The following APOB variants were observed in gnomAD, a reference collection of about 807,000 sequenced individuals.
APOB encodes apolipoprotein B, also known as apolipoprotein B-100.
In APOB, 153 loss-of-function variants were observed where a neutral mutation model predicts 314.1. That is an observed-to-expected ratio of 0.49 (90% CI 0.43 to 0.56). APOB has a LOEUF of 0.56. Ranked by LOEUF, APOB falls within the 20% of genes least tolerant of loss-of-function variation. APOB has a pLI of 0.00. For synonymous variants in APOB, 2,087 were observed against 2,036.4 expected (o/e 1.02, Z -0.67); for missense variants, 5,430 against 5,350.7 (o/e 1.01, Z -0.46).
chr2:21,010,609 T>G lies in APOB; in HGVS notation c.6259A>C (p.Thr2087Pro), dbSNP rs1441625656. 6.2e-7 allele frequency: 1 copy of G among 1,614,080 alleles called. No individual in the cohort carries two copies. ...ACGTTTTCCAGTACAACTATAATGG[T>G]TTGTCGATTCCTCTCAAAATATTCT... ...LQEYFERNRQ[T>P]IIVVLENVQR... Residue 2087 changes from threonine to proline, a missense_variant, in exon 26 of 29, where the codon ACC (threonine) becomes CCC (proline). Physicochemically the swap from Thr to Pro is conservative, Grantham distance 38. Around this residue, in one of 3 missense-constraint regions of APOB, gnomAD observed 3,281 missense variants for 3,171.0 expected, o/e 1.03. Transcript: ENST00000233242.
At chr2:21,032,788 G>C (rs916055896) in intron 9 of APOB, among the ~76,000 whole-genome samples, 1 of 152,128 alleles carries the variant, frequency 6.6e-6, no homozygotes, top group African/African-American at 2.4e-5. Context: ...AAAGTTCCAA[G>C]AGGGGACTGT....
In APOB at chr2:21,007,565, A is replaced by C; in HGVS notation, c.9303T>G (p.Asn3101Lys). 1 of 1,614,056 alleles carries C rather than the reference A, an allele frequency of 6.2e-7. No homozygotes were observed. Among genetic ancestry groups the C allele is most frequent in the Non-Finnish European group, 8.5e-7 (1 of 1,179,964 alleles). The change falls in exon 26 of 29, where the codon AAT (asparagine) becomes AAG (lysine). Residue 3101 changes from asparagine to lysine, a missense_variant. Physicochemically the swap from Asn to Lys is moderately conservative, Grantham distance 94. Transcript: ENST00000233242. The part of the protein sequence containing the change: ...ARFNQYKYNQ[N>K]FSAGNNENIM... ...TGTTCTCGTTGTTTCCAGCAGAGAA[A>C]TTTTGGTTGTACTTATACTGATTGA...
In APOB at chr2:21,013,221, A is replaced by T; in HGVS notation, c.4155T>A (p.Leu1385=). The change falls in exon 25 of 29, where the codon CTT becomes CTA. Residue 1385 remains leucine (L), a synonymous_variant. Transcript: ENST00000233242. ...CAGCCTTCATGTGGTAACGAGCCCG[A>T]AGGCTGAAATGGTCTGTGCTGGTGT... is the stretch of plus-strand genomic sequence containing the variant. ...GGNTSTDHFS[L]RARYHMKADS... is the part of the protein sequence containing the mutation. The T allele has an allele frequency of 6.2e-7, 1 of 1,614,168 alleles. No individual in the cohort carries two copies. The highest frequency in any genetic ancestry group is 1.3e-5 in the African/African-American group (1 of 75,050).
chr2:21,028,198 A>G, intron 13 of APOB, 129 bp downstream of exon 13: 1 of 1,131,182 alleles, frequency 8.8e-7, no homozygotes, highest in Non-Finnish European at 1.3e-6. Context: ...CTTTGGGTCT[A>G]GATCTGCTAC....
chr2:21,041,285 C>T (rs950864377), intron 3 of APOB, among the ~76,000 whole-genome samples: 7 of 152,220 alleles, frequency 4.6e-5, no homozygotes, highest in East Asian at 1.9e-4. Context: ...CTATTGCTGA[C>T]GTTTTCCCCC....
Position 21,006,670 on chromosome 2 carries a change from A to G in APOB, c.10198T>C (p.Ser3400Pro). 6.2e-7 allele frequency: 1 copy of G among 1,614,112 alleles called. No individual in the cohort carries two copies. The highest frequency in any genetic ancestry group is 8.5e-7 in the Non-Finnish European group (1 of 1,179,982). ...KRGLKLATAL[S>P]LSNKFVEGSH... is the part of the protein sequence containing the mutation. The stretch of plus-strand genomic sequence containing the variant: ...CCCTCCACAAATTTGTTGCTCAGAG[A>G]CAGAGCTGTGGCTAACTTCAATCCC... The change falls in exon 26 of 29, where the codon TCT becomes CCT. Residue 3400 changes from serine (S) to proline (P), a missense_variant. Physicochemically the swap from Ser to Pro is moderately conservative, Grantham distance 74 (BLOSUM62 -1). Transcript: ENST00000233242.
At chr2:21,028,951 A>T (rs1056694456) in intron 12 of APOB, among the ~76,000 whole-genome samples, 1 of 152,228 alleles carries the variant, frequency 6.6e-6, no homozygotes, top group African/African-American at 2.4e-5. Flanking sequence ...GAGGGGGCCA[A>T]GTTGGCTATC....
intron 9 of APOB, among the ~76,000 whole-genome samples, chr2:21,032,979 T>C (rs1572798919): frequency 6.6e-6 from 1 of 152,196 alleles, no homozygotes; most frequent in Admixed American, 6.5e-5. Context: ...GAGTTCTCTC[T>C]CCACCAGCCT....
intron 6 of APOB, 73 bp downstream of exon 6, chr2:21,037,027 C>T (rs113853560): frequency 3.3e-5 from 52 of 1,596,732 alleles, no homozygotes; most frequent in African/African-American, 3.2e-4. Flanking sequence ...TGCCCACTAG[C>T]TCAAAAGTTC....
chr2:21,035,573 A>G lies in APOB; in HGVS notation c.818+11T>C, dbSNP rs1346829799. On this transcript the variant is annotated intron_variant, in intron 7 of 28. Transcript: ENST00000233242. ...TTAAATGACAAATCAGGGGTGCATC[A>G]CATGACCTACTTGTAGGAGAAAGGC... 6.2e-7 allele frequency: 1 copy of G among 1,613,858 alleles called. No homozygotes were observed. Among genetic ancestry groups the G allele is most frequent in the Non-Finnish European group, 8.5e-7 (1 of 1,180,022 alleles).
intron 4 of APOB, among the ~76,000 whole-genome samples, chr2:21,039,969 C>T (rs1664091860): frequency 1.3e-5 from 2 of 152,188 alleles, no homozygotes; most frequent in Admixed American, 1.3e-4. Context: ...CTCTGCGTCC[C>T]CACCCAAATT....
rs746742904 is a variant in APOB, at chr2:21,023,640, A to T, written c.2489T>A (p.Ile830Asn). ...GAGTTCAAAGGCATTCTCCATGAAG[A>T]TGTAGTGAAGAAAAAAGTCATTCTT... is the stretch of plus-strand genomic sequence containing the variant. ...GSKNDFFLHY[I>N]FMENAFELPT... Residue 830 changes from isoleucine to asparagine, a missense_variant, in exon 17 of 29, where the codon ATC (isoleucine) becomes AAC (asparagine). Ile to Asn is a moderately radical substitution (Grantham distance 149). Around this residue, in one of 3 missense-constraint regions of APOB, gnomAD observed 2,085 missense variants for 2,079.7 expected, o/e 1.00. Transcript: ENST00000233242. The T allele has an allele frequency of 1.2e-6, 2 of 1,613,786 alleles. No homozygotes were observed. Among genetic ancestry groups the T allele is most frequent in the South Asian group, 1.1e-5 (1 of 91,066 alleles).
Position 21,012,086 on chromosome 2 carries a change from T to C in APOB, c.4782A>G (p.Gln1594=), listed in dbSNP as rs1663340463. The part of the protein sequence containing the change: ...SNKMDMTFSK[Q]NALLRSEYQA... ...GATATTCAGAACGCAGCAGTGCATT[T>C]TGCTTAGAGAAGGTCATATCCATCT... The change falls in exon 26 of 29, where the codon CAA becomes CAG. Residue 1594 remains glutamine, a synonymous_variant. Transcript: ENST00000233242. The C allele has an allele frequency of 6.2e-7, 1 of 1,613,928 alleles. No individual in the cohort carries two copies. The highest frequency in any genetic ancestry group is 1.3e-5 in the African/African-American group (1 of 74,942).
intron 6 of APOB, 43 bp downstream of exon 6, chr2:21,037,057 G>C (rs765641832): frequency 1.9e-6 from 3 of 1,613,054 alleles, no homozygotes; most frequent in Non-Finnish European, 2.5e-6. Context: ...ATTAATAAGA[G>C]GATGCTCCTT....
rs1663124370 is a variant in APOB at position 21,005,943 on chromosome 2, C to A, written c.10925G>T (p.Gly3642Val). The change falls in exon 26 of 29, where the codon GGG becomes GTG. Residue 3642 changes from glycine to valine, a missense_variant. By Grantham distance (109) the Gly-to-Val change is moderately radical. Around this residue, in one of 3 missense-constraint regions of APOB, gnomAD observed 3,281 missense variants for 3,171.0 expected, o/e 1.03. Transcript: ENST00000233242. ...AAGCTCGACCTGGCTCTGGAAAGAC[C>A]CAGAATGAATCCGGACTTCATTTTT... ...RWKNEVRIHS[G>V]SFQSQVELSN... The A allele has an allele frequency of 6.2e-6, 10 of 1,613,656 alleles. No homozygotes were observed. Among genetic ancestry groups the A allele is most frequent in the Non-Finnish European group, 7.6e-6 (9 of 1,179,922 alleles).
chr2:21,035,025 C>T (rs987876386), intron 7 of APOB, 124 bp from the exon 8 acceptor site: 4 of 762,668 alleles, frequency 5.2e-6, no homozygotes, highest in Non-Finnish European at 7.3e-6. Flanking sequence ...ATGGGTAAAT[C>T]CAGCCATTGT....
chr2:21,023,627 A>G lies in APOB; in HGVS notation c.2502T>C (p.Asn834=). 1 of 1,614,190 alleles carries G rather than the reference A, an allele frequency of 6.2e-7. No individual in the cohort carries two copies. The highest frequency in any genetic ancestry group is 1.1e-5 in the South Asian group (1 of 91,078). Residue 834 remains asparagine (N), a synonymous_variant, in exon 17 of 29, where the codon AAT becomes AAC. Coordinates refer to ENST00000233242, the MANE Select transcript of APOB (RefSeq NM_000384.3). ...DFFLHYIFME[N]AFELPTGAGL... Reference sequence around the variant, plus strand: ...CAGCTCCAGTGGGGAGTTCAAAGGCATTCTCCATGAAGATGTAGTGAAGAA... The same window carrying G: ...CAGCTCCAGTGGGGAGTTCAAAGGCGTTCTCCATGAAGATGTAGTGAAGAA...
rs371884333 is a variant in APOB at position 21,022,964 on chromosome 2, C to A, written c.2683G>T (p.Ala895Ser). 6.2e-7 allele frequency: 1 copy of A among 1,614,040 alleles called. No individual in the cohort carries two copies. The highest frequency in any genetic ancestry group is 2.2e-5 in the East Asian group (1 of 44,908). Residue 895 changes from alanine to serine, a missense_variant, in exon 18 of 29, where the codon GCT (alanine) becomes TCT (serine). By Grantham distance (99) the Ala-to-Ser change is moderately conservative. This residue lies in a region of APOB where 2,085 missense variants were observed against 2,079.7 expected (regional missense o/e 1.00). Coordinates refer to ENST00000233242, the MANE Select transcript of APOB (RefSeq NM_000384.3). ...GTGTTCATCTGGACCCCACTCCTAG[C>A]GAAGTCCGGAATGATGATGCCCATA... ...TNMGIIIPDF[A>S]RSGVQMNTNF...
intron 10 of APOB, among the ~76,000 whole-genome samples, chr2:21,031,266 G>A (rs540481309): frequency 2.0e-4 from 31 of 152,144 alleles, no homozygotes; most frequent in Non-Finnish European, 4.1e-4. Flanking sequence ...AATACTATTC[G>A]GCCATAAAAA....
Sources: allele counts gnomAD v4.1 joint callset (sites outside exome capture counted in the v4.1 genomes callset), GRCh38; gene constraint gnomAD v4.1.1; regional missense constraint gnomAD v4.1.1; transcripts MANE v1.5; gene names NCBI Gene and HGNC (gene_info 2026-07-23, HGNC 2026-07-21).